Variants in CFAP68 observed in about 807,000 individuals in gnomAD.
CFAP68 encodes cilia- and flagella-associated protein 68.
the CFAP68 span, chr11:111,881,651 T>C: frequency 6.7e-7 from 1 of 1,493,058 alleles, no homozygotes; most frequent in Non-Finnish European, 8.9e-7. Context: ...CAGACTCACA[T>C]TTTGGGGAAA....
chr11:111,883,316 G>A, the CFAP68 span: 24 of 914,310 alleles, frequency 2.6e-5, no homozygotes, highest in African/African-American at 1.8e-4. Flanking sequence ...GAGGCTGGGC[G>A]CAGTGGCTCA....
the CFAP68 span, chr11:111,884,011 A>G: frequency 6.3e-6 from 4 of 639,744 alleles, no homozygotes. Context: ...AAGTACAGCT[A>G]AAAATTTAGC....
At chr11:111,880,261 C>T in the CFAP68 span, among the ~76,000 whole-genome samples, 10 of 152,060 alleles carry the variant, frequency 6.6e-5, no homozygotes, top group Non-Finnish European at 1.0e-4. Context: ...TCCATGTTTG[C>T]TCAATGTTTA....
the CFAP68 span, chr11:111,885,219 C>G: frequency 6.8e-6 from 1 of 147,356 alleles, no homozygotes; most frequent in African/African-American, 2.5e-5. Context: ...GTGGCTCACA[C>G]CTAATCCCAG....
chr11:111,881,696 T>C, the CFAP68 span: 2 of 1,413,986 alleles, frequency 1.4e-6, no homozygotes, highest in Admixed American at 5.3e-5. Context: ...CCAAAAAAAA[T>C]GAAATCAGAC....
the CFAP68 span, chr11:111,880,716 C>G: frequency 1.1e-5 from 5 of 454,382 alleles, no homozygotes; most frequent in Non-Finnish European, 2.2e-5. Flanking sequence ...ATTCTTTATT[C>G]CTTTACTTTC....
chr11:111,885,958 A>G, the CFAP68 span: 2 of 152,112 alleles, frequency 1.3e-5, no homozygotes, highest in Admixed American at 1.3e-4. Context: ...TTTATTGTAA[A>G]TAAACTATGT....
At chr11:111,879,660 G>C in the CFAP68 span, 1 of 1,563,872 alleles carries the variant, frequency 6.4e-7, no homozygotes, top group Non-Finnish European at 8.8e-7. Context: ...AGTGTCTATT[G>C]CGTGCCAGGC....
At chr11:111,882,562 G>A in the CFAP68 span, 5 of 1,610,728 alleles carry the variant, frequency 3.1e-6, no homozygotes, top group Non-Finnish European at 4.2e-6. Flanking sequence ...GATATGACCT[G>A]AGGAATATCG....
the CFAP68 span, among the ~76,000 whole-genome samples, chr11:111,881,972 A>AT: frequency 6.6e-6 from 1 of 152,218 alleles, no homozygotes; most frequent in Admixed American, 6.5e-5. Context: ...TTACTCATTT[A>AT]TTGTGTTATC....
chr11:111,883,654 C>A, the CFAP68 span: 1 of 729,600 alleles, frequency 1.4e-6, no homozygotes. Flanking sequence ...ATTTTTTCTT[C>A]AATTTTAACA....
chr11:111,881,523 A>G, the CFAP68 span: 8 of 1,536,108 alleles, frequency 5.2e-6, no homozygotes, highest in Non-Finnish European at 7.0e-6. Context: ...TTTAAAGAAC[A>G]TGGAACAGCC....
chr11:111,880,802 C>A, the CFAP68 span: 2 of 456,262 alleles, frequency 4.4e-6, no homozygotes, highest in Non-Finnish European at 8.8e-6. Context: ...ATCAGGACCC[C>A]TTCCGGTAAC....
the CFAP68 span, chr11:111,883,662 A>G: frequency 1.1e-5 from 8 of 758,756 alleles, no homozygotes; most frequent in East Asian, 2.5e-5. Context: ...TTCAATTTTA[A>G]CAGGACTTAC....
chr11:111,883,988 G>C, the CFAP68 span: 1 of 786,744 alleles, frequency 1.3e-6, no homozygotes. Context: ...AAATGTAGGA[G>C]GGAGCACATT....
At chr11:111,881,823 T>C in the CFAP68 span, among the ~76,000 whole-genome samples, 22 of 152,286 alleles carry the variant, frequency 1.4e-4, 1 homozygote, top group African/African-American at 5.3e-4. Context: ...GTATAGGAGA[T>C]ATAATGCAGA....
chr11:111,881,228 C>G, the CFAP68 span: 1 of 1,362,220 alleles, frequency 7.3e-7, no homozygotes, highest in Non-Finnish European at 9.4e-7. Flanking sequence ...GACAGTTACA[C>G]CTAGATCTCC....
chr11:111,881,115 G>C, the CFAP68 span: 1 of 915,808 alleles, frequency 1.1e-6, no homozygotes, highest in Non-Finnish European at 1.4e-6. Context: ...ACAAGACTTA[G>C]TGACTGGATG....
At chr11:111,882,143 C>T in the CFAP68 span, among the ~76,000 whole-genome samples, 1 of 151,988 alleles carries the variant, frequency 6.6e-6, no homozygotes, top group African/African-American at 2.4e-5. Context: ...GCCTGGGGAG[C>T]GGGGGTGTGG....
Sources: gnomAD v4.1 joint callset for allele counts (sites outside exome capture counted in the v4.1 genomes callset) on GRCh38, gnomAD v4.1.1 for gene constraint, MANE v1.5 for transcripts, NCBI Gene and HGNC (gene_info 2026-07-23, HGNC 2026-07-21) for gene names.